Variants in DNAH11 observed in about 807,000 individuals in gnomAD.
The protein encoded by DNAH11 is axonemal beta dynein heavy chain 11.
DNAH11 carries 442 observed loss-of-function variants against 526.0 expected under a neutral mutation model. That is an observed-to-expected ratio of 0.84 (90% CI 0.78 to 0.91). The LOEUF (loss-of-function observed/expected upper bound fraction) is 0.91. DNAH11 is among the 40% of genes least tolerant of loss of function. The pLI, the probability that DNAH11 is intolerant of heterozygous loss-of-function variation, is 0.00. For missense variants in DNAH11, 6,989 were observed against 5,448.7 expected, an observed-to-expected ratio of 1.28 and a Z score of -8.90; for synonymous variants, 2,461 against 1,935.9, an observed-to-expected ratio of 1.27 and a Z score of -7.12.
intron 75 of DNAH11, among the ~76,000 whole-genome samples, chr7:21,882,888 C>G (rs1476761000): frequency 1.3e-5 from 2 of 151,746 alleles, no homozygotes; most frequent in Non-Finnish European, 1.5e-5. Context: ...GAACAGATCC[C>G]TAGTTAAATA....
At chr7:21,753,195 G>A (rs1786486364) in intron 54 of DNAH11, among the ~76,000 whole-genome samples, 1 of 152,082 alleles carries the variant, frequency 6.6e-6, no homozygotes, top group South Asian at 2.1e-4. Context: ...CTGATCACAG[G>A]TGGGTGCAGT....
chr7:21,872,134 A>AAAAAAAAAAAAAC (rs1783522311), intron 73 of DNAH11, among the ~76,000 whole-genome samples: 5 of 111,694 alleles, frequency 4.5e-5, no homozygotes, highest in Admixed American at 1.6e-4. Context: ...AAAAAAAAAA[A>AAAAAAAAAAAAAC]AAAAAAAAAA....
chr7:21,613,339 ATATGTAG>A (rs1162245093), intron 20 of DNAH11, among the ~76,000 whole-genome samples: 7 of 152,202 alleles, frequency 4.6e-5, no homozygotes, highest in African/African-American at 1.7e-4. Context: ...TTGTGGTTAA[ATATGTAG>A]TAGGGAAAAG....
At position 21,901,523 on chromosome 7, in the gene DNAH11, TGCACCACTGCACTCCCTCCTGG is replaced by T. The variant is rs1241666340; in HGVS notation, c.*273_*294del. On this transcript the variant is annotated 3_prime_UTR_variant, in exon 82 of 82. Coordinates refer to ENST00000409508, the MANE Select transcript of DNAH11 (RefSeq NM_001277115.2). The stretch of plus-strand genomic sequence containing the variant: ...GGCAAAGGTTGCAGTGAGCCGAGGT[TGCACCACTGCACTCCCTCCTGG>T]GCAACAGAACAAGACTCCATCTCAA... 3.6e-6 allele frequency: 1 copy of T among 275,974 alleles called. No homozygotes were observed. Among genetic ancestry groups the T allele is most frequent in the Non-Finnish European group, 6.6e-6 (1 of 151,880 alleles). The allele number at this position is 275,974 out of a possible 1,614,324, so 17.1% of individuals were successfully genotyped here.
chr7:21,662,966 A>G (rs917497589), intron 30 of DNAH11, among the ~76,000 whole-genome samples: 23 of 151,916 alleles, frequency 1.5e-4, no homozygotes, highest in African/African-American at 5.6e-4. Context: ...ATTTCTCATC[A>G]TCCACCCCTT....
At chr7:21,744,819 G>A (rs1786071021) in intron 50 of DNAH11, 51 bp from the exon 51 acceptor site, 2 of 1,556,594 alleles carry the variant, frequency 1.3e-6, no homozygotes, top group South Asian at 2.4e-5. Context: ...CCTGCAGCTG[G>A]ACCTCTATGG....
chr7:21,845,406 C>G (rs1213649484), intron 66 of DNAH11, among the ~76,000 whole-genome samples: 2 of 151,954 alleles, frequency 1.3e-5, no homozygotes, highest in Admixed American at 1.3e-4. Context: ...AGTAGGGGTG[C>G]ACCTTCATTC....
intron 30 of DNAH11, among the ~76,000 whole-genome samples, chr7:21,668,919 C>G (rs747255017): frequency 6.6e-6 from 1 of 152,130 alleles, no homozygotes; most frequent in Non-Finnish European, 1.5e-5. Context: ...AAACAGTTCT[C>G]TATTGTTAAT....
intron 66 of DNAH11, among the ~76,000 whole-genome samples, chr7:21,845,674 T>C (rs1562580505): frequency 6.6e-6 from 1 of 152,178 alleles, no homozygotes; most frequent in African/African-American, 2.4e-5. Context: ...TCTGACTTTG[T>C]TTTTCTGTAT....
At chr7:21,659,829 A>G (rs1440495152) in intron 30 of DNAH11, among the ~76,000 whole-genome samples, 1 of 152,156 alleles carries the variant, frequency 6.6e-6, no homozygotes, top group Non-Finnish European at 1.5e-5. Context: ...TGAGAATCAA[A>G]TAGATTTAGA....
intron 31 of DNAH11, among the ~76,000 whole-genome samples, chr7:21,683,074 C>G (rs1783208881): frequency 6.6e-6 from 1 of 152,016 alleles, no homozygotes; most frequent in African/African-American, 2.4e-5. Flanking sequence ...TAAAATATGT[C>G]CTTTATTTTG....
chr7:21,558,840 G>A lies in DNAH11; in HGVS notation c.534G>A (p.Lys178=), dbSNP rs780824176. Residue 178 remains lysine, a synonymous_variant, in exon 3 of 82, where the codon AAG becomes AAA. Coordinates refer to ENST00000409508, the MANE Select transcript of DNAH11 (RefSeq NM_001277115.2). The part of the protein sequence containing the change: ...VPVLSNKNNH[K]SWSCFTSQDM... The stretch of plus-strand genomic sequence containing the variant: ...TTCTTTCTAATAAGAACAACCATAA[G>A]TCCTGGTCCTGTTTTACTTCACAAG... 10 of 1,607,050 alleles carry A rather than the reference G, an allele frequency of 6.2e-6. No individual in the cohort carries two copies. In the African/African-American group the frequency reaches 1.3e-4, roughly 22 times the overall value.
At chr7:21,868,309 C>A (rs1310989549) in intron 72 of DNAH11, among the ~76,000 whole-genome samples, 2 of 152,100 alleles carry the variant, frequency 1.3e-5, no homozygotes, top group Non-Finnish European at 2.9e-5. Context: ...CCCCCTGTGA[C>A]TAAATAATGG....
rs1304639990 is a variant in DNAH11 at position 21,813,314 on chromosome 7, T to C, written c.10333-3153T>C. Among the ~76,000 whole-genome samples the C allele has an allele frequency of 1.3e-5, 2 of 152,188 alleles. 1 individual carries two copies. The highest frequency in any genetic ancestry group is 4.8e-5 in the African/African-American group (2 of 41,440). On this transcript the variant is annotated intron_variant, in intron 63 of 81. Transcript: ENST00000409508. ...AAATACATGGAGTTATTAGTGCCAATAATTAGTTATTAGTTATTAATTAGT... is the reference window on the plus strand; with the variant it reads ...AAATACATGGAGTTATTAGTGCCAACAATTAGTTATTAGTTATTAATTAGT...
chr7:21,553,704 C>T (rs932233680), intron 2 of DNAH11, among the ~76,000 whole-genome samples: 6 of 152,176 alleles, frequency 3.9e-5, no homozygotes, highest in East Asian at 1.9e-4. Context: ...ATGTATTTCA[C>T]CTCTTTCTTT....
intron 75 of DNAH11, among the ~76,000 whole-genome samples, chr7:21,882,936 G>T (rs1449331211): frequency 1.3e-5 from 2 of 152,210 alleles, no homozygotes; most frequent in Non-Finnish European, 2.9e-5. Context: ...ACTGAAATGT[G>T]TTGCAAGCAT....
chr7:21,842,683 G>A lies in DNAH11; in HGVS notation c.10831G>A (p.Gly3611Ser), dbSNP rs754717950. ...TLLNFTVTED[G>S]LEAQLLAEVV... Reference sequence around the variant, plus strand: ...CCTCAATTTCACAGTCACAGAAGATGGTCTAGAAGCCCAGCTGCTGGCAGA... The same window carrying A: ...CCTCAATTTCACAGTCACAGAAGATAGTCTAGAAGCCCAGCTGCTGGCAGA... Residue 3611 changes from glycine to serine, a missense_variant, in exon 66 of 82, where the codon GGT (glycine) becomes AGT (serine). Physicochemically the swap from Gly to Ser is moderately conservative, Grantham distance 56. Transcript: ENST00000409508. 1.4e-5 allele frequency: 23 copies of A among 1,613,800 alleles called. 1 individual carries two copies. In the South Asian group the frequency reaches 2.3e-4, roughly 16 times the overall value.
rs148724684 is a variant in DNAH11 at position 21,663,717 on chromosome 7, C to G, written c.5328+4686C>G. Among the ~76,000 whole-genome samples the G allele has an allele frequency of 5.4e-4, 82 of 150,588 alleles. 1 individual carries two copies. The East Asian group carries it at 0.013, about 23-fold the overall frequency. ...TTTCTATGCCTGGCTTATTTCAATT[C>G]ACATAATGTCCTCCTGATTGTCATA... On this transcript the variant is annotated intron_variant, in intron 30 of 81. Transcript: ENST00000409508.
At chr7:21,765,305 G>A in intron 54 of DNAH11, 123 bp from the exon 55 acceptor site, 1 of 1,401,904 alleles carries the variant, frequency 7.1e-7, no homozygotes. Context: ...CACTCTCTAG[G>A]GCTTTAGGGT....
Sources: gnomAD v4.1 joint callset for allele counts (sites outside exome capture counted in the v4.1 genomes callset) on GRCh38, gnomAD v4.1.1 for gene constraint, MANE v1.5 for transcripts, NCBI Gene and HGNC (gene_info 2026-07-23, HGNC 2026-07-21) for gene names.